TLN2: variants seen among roughly 807,000 people sequenced by gnomAD.
The protein encoded by TLN2 is talin-2.
TLN2 carries 118 observed loss-of-function variants against 294.7 expected under a neutral mutation model. The observed-to-expected ratio is 0.40, with a 90% CI of 0.34 to 0.47. TLN2 has a LOEUF of 0.47. Among genes scored for constraint, TLN2 ranks in the 20% least tolerant of loss-of-function variants. The pLI is 0.84. For synonymous variants in TLN2, 1,431 were observed against 1,304.5 expected, an observed-to-expected ratio of 1.10 and a Z score of -2.09; for missense variants, 3,083 against 3,282.2, an observed-to-expected ratio of 0.94 and a Z score of 1.48.
At chr15:62,748,499 G>A (rs1357032674) in intron 33 of TLN2, 55 bp downstream of exon 33, 4 of 1,302,838 alleles carry the variant, frequency 3.1e-6, no homozygotes, top group Non-Finnish European at 4.4e-6. Context: ...CTGTGTCTGT[G>A]TGTCTGTGTG....
intron 1 of TLN2, among the ~76,000 whole-genome samples, chr15:62,421,934 G>A (rs1023394280): frequency 1.3e-5 from 2 of 152,016 alleles, no homozygotes; most frequent in Non-Finnish European, 2.9e-5. Context: ...TACTGCATTG[G>A]ATAAGATTTT....
rs758656762 is a variant in TLN2 at position 62,708,746 on chromosome 15, A to C, written c.2417A>C (p.Asp806Ala). 6.2e-7 allele frequency: 1 copy of C among 1,610,176 alleles called. No homozygotes were observed. The highest frequency in any genetic ancestry group is 1.3e-5 in the African/African-American group (1 of 75,014). Reference sequence around the variant, plus strand: ...ATCGGCCGCTACGACCAGGCTACTGACACCATCATGTGTGTCACCGAGAGC... The same window carrying C: ...ATCGGCCGCTACGACCAGGCTACTGCCACCATCATGTGTGTCACCGAGAGC... ...EPIGRYDQAT[D>A]TIMCVTESIF... The change falls in exon 21 of 59, where the codon GAC (aspartate) becomes GCC (alanine). Residue 806 changes from aspartate (D) to alanine (A), a missense_variant. Asp to Ala is a moderately radical substitution (Grantham distance 126, BLOSUM62 -2). Transcript: ENST00000636159.
chr15:62,391,894 G>T (rs1432347581), intron 1 of TLN2, among the ~76,000 whole-genome samples: 2 of 152,262 alleles, frequency 1.3e-5, no homozygotes. Flanking sequence ...GGAGCCGTGC[G>T]CTGGGCGGCG....
chr15:62,479,857 C>T (rs1270464221), intron 1 of TLN2, among the ~76,000 whole-genome samples: 3 of 152,232 alleles, frequency 2.0e-5, no homozygotes, highest in African/African-American at 7.2e-5. Flanking sequence ...AGGCCCAGCA[C>T]AGGACTGTGA....
intron 32 of TLN2, among the ~76,000 whole-genome samples, chr15:62,742,438 A>G (rs1419144001): frequency 6.6e-6 from 1 of 152,128 alleles, no homozygotes; most frequent in Admixed American, 6.5e-5. Context: ...CATCATTTCA[A>G]AATTACAGTT....
chr15:62,806,414 C>A (rs2066290672), intron 51 of TLN2, among the ~76,000 whole-genome samples: 1 of 152,166 alleles, frequency 6.6e-6, no homozygotes, highest in Admixed American at 6.5e-5. Context: ...TTGGTTCCAG[C>A]TCCTCCAAAT....
chr15:62,737,147 G>A lies in TLN2; in HGVS notation c.3567+61G>A, dbSNP rs147192464. ...TCATCATTAACGTGGACATGTGGTC[G>A]GGCTGTCTCCTGGGCACTTTTCCCT... On this transcript the variant is annotated intron_variant, in intron 29 of 58. Transcript: ENST00000636159. The A allele has an allele frequency of 2.7e-4, 424 of 1,572,604 alleles. 3 individuals are homozygous for A. The East Asian group carries it at 3.9e-3, about 14-fold the overall frequency.
At chr15:62,594,232 A>C (rs995921754) in intron 2 of TLN2, among the ~76,000 whole-genome samples, 3 of 152,218 alleles carry the variant, frequency 2.0e-5, no homozygotes, top group East Asian at 1.9e-4. Flanking sequence ...TTTTGGAGAC[A>C]GGATCTCTCT....
intron 2 of TLN2, among the ~76,000 whole-genome samples, chr15:62,606,389 C>A (rs1191703445): frequency 6.6e-6 from 1 of 152,058 alleles, no homozygotes; most frequent in African/African-American, 2.4e-5. Context: ...CCACGCCTGG[C>A]CCCAAAAGAT....
chr15:62,587,715 C>G (rs2045727799), intron 1 of TLN2, among the ~76,000 whole-genome samples: 1 of 152,146 alleles, frequency 6.6e-6, no homozygotes, highest in Admixed American at 6.5e-5. Flanking sequence ...ATTGCTGAAT[C>G]AAAGGGCATG....
chr15:62,674,539 G>T (rs1206485970), intron 10 of TLN2, among the ~76,000 whole-genome samples: 1 of 142,374 alleles, frequency 7.0e-6, no homozygotes, highest in Non-Finnish European at 1.5e-5. Flanking sequence ...ACAGAGCCAA[G>T]ACGGAGTGCA....
intron 1 of TLN2, among the ~76,000 whole-genome samples, chr15:62,530,511 C>T (rs2040985800): frequency 6.6e-6 from 1 of 152,098 alleles, no homozygotes; most frequent in Non-Finnish European, 1.5e-5. Flanking sequence ...CACGCGCCAC[C>T]ATGCCCGGCT....
At chr15:62,813,776 T>C (rs1360835239) in intron 52 of TLN2, among the ~76,000 whole-genome samples, 1 of 152,086 alleles carries the variant, frequency 6.6e-6, no homozygotes, top group Non-Finnish European at 1.5e-5. Flanking sequence ...GAGATATAGT[T>C]CTAGTGCTGG....
intron 42 of TLN2, among the ~76,000 whole-genome samples, chr15:62,773,928 G>A (rs887175762): frequency 5.9e-5 from 9 of 152,004 alleles, no homozygotes; most frequent in East Asian, 1.9e-4. Flanking sequence ...CCTGCTTACC[G>A]AGGCGTTTGC....
intron 52 of TLN2, among the ~76,000 whole-genome samples, chr15:62,812,890 T>G (rs959235449): frequency 6.6e-6 from 1 of 152,210 alleles, no homozygotes; most frequent in African/African-American, 2.4e-5. Flanking sequence ...CTAGGAACTT[T>G]CCCAGGCCAC....
At chr15:62,552,123 C>A (rs1333660418) in intron 1 of TLN2, among the ~76,000 whole-genome samples, 5 of 152,226 alleles carry the variant, frequency 3.3e-5, no homozygotes, top group Admixed American at 2.0e-4. Context: ...ATCTGCTAGA[C>A]CCAGTTTTGA....
chr15:62,646,557 C>T (rs1169826756), intron 3 of TLN2, among the ~76,000 whole-genome samples: 2 of 152,170 alleles, frequency 1.3e-5, no homozygotes, highest in East Asian at 1.9e-4. Context: ...ATTTTATTCC[C>T]TTTGAGACCC....
At chr15:62,659,952 G>GTT in intron 9 of TLN2, among the ~76,000 whole-genome samples, 1 of 152,190 alleles carries the variant, frequency 6.6e-6, no homozygotes, top group East Asian at 1.9e-4. Context: ...GTCAGGTCCT[G>GTT]TTTTTACCTG....
At chr15:62,552,478 T>A (rs1260175729) in intron 1 of TLN2, among the ~76,000 whole-genome samples, 1 of 152,172 alleles carries the variant, frequency 6.6e-6, no homozygotes, top group Non-Finnish European at 1.5e-5. Flanking sequence ...AAGAAAACAC[T>A]CTACCCTCTT....
Sources: gnomAD v4.1 joint callset for allele counts (sites outside exome capture counted in the v4.1 genomes callset) on GRCh38, gnomAD v4.1.1 for gene constraint, MANE v1.5 for transcripts, NCBI Gene and HGNC (gene_info 2026-07-23, HGNC 2026-07-21) for gene names.